Variants in CNKSR2 observed in about 807,000 individuals in gnomAD.
CNKSR2 encodes the protein CNK homolog protein 2.
CNKSR2 carries 14 observed loss-of-function variants against 84.4 expected under a neutral mutation model. That is an observed-to-expected ratio of 0.17 (90% CI 0.11 to 0.26). The LOEUF (loss-of-function observed/expected upper bound fraction) is 0.26. Ranked by LOEUF, CNKSR2 falls within the 10% of genes least tolerant of loss-of-function variation. The probability of loss-of-function intolerance (pLI) is 1.00; values close to 1 mark genes in which losing one functional copy is unlikely to be tolerated. For synonymous variants in CNKSR2, 275 were observed against 277.9 expected (o/e 0.99, Z 0.10); for missense variants, 485 against 771.2 (o/e 0.63, Z 4.40).
intron 8 of CNKSR2, chrX:21,505,102 G>T: frequency 5.1e-6 from 1 of 196,806 alleles, no homozygotes; most frequent in East Asian, 8.4e-5. Flanking sequence ...AATTATTGGG[G>T]CATATTTATA....
intron 5 of CNKSR2, among the ~76,000 whole-genome samples, chrX:21,484,231 C>T (rs989253014): frequency 1.3e-4 from 15 of 111,643 alleles, no homozygotes; most frequent in African/African-American, 3.9e-4. Context: ...TCAGAGGCTG[C>T]AGTGAGCTGA....
rs368267175 is a variant in CNKSR2, at chrX:21,391,846, A to G, written c.64+16885A>G. On this transcript the variant is annotated intron_variant, in intron 1 of 21. Transcript: ENST00000379510. Reference sequence around the variant, plus strand: ...TGCTTCCCTTTTAAATATAAGTTCCAGTTTCATACCATCTCTTTGGTCATG... The same window carrying G: ...TGCTTCCCTTTTAAATATAAGTTCCGGTTTCATACCATCTCTTTGGTCATG... Among the ~76,000 whole-genome samples the G allele has an allele frequency of 6.2e-5, 7 of 112,017 alleles. No individual in the cohort carries two copies. In the East Asian group the frequency reaches 1.7e-3, roughly 27 times the overall value.
intron 18 of CNKSR2, among the ~76,000 whole-genome samples, chrX:21,605,164 G>A (rs1242701865): frequency 9.0e-6 from 1 of 111,641 alleles, no homozygotes; most frequent in African/African-American, 3.3e-5. Context: ...AAGATGGGAA[G>A]TGGTCTAGCT....
intron 5 of CNKSR2, among the ~76,000 whole-genome samples, chrX:21,482,992 A>G (rs2091338075): frequency 8.9e-6 from 1 of 112,143 alleles, no homozygotes; most frequent in Non-Finnish European, 1.9e-5. Flanking sequence ...CTGTATATAA[A>G]TATAATTTTA....
intron 11 of CNKSR2, among the ~76,000 whole-genome samples, chrX:21,532,949 G>A (rs1388604162): frequency 1.8e-5 from 2 of 110,897 alleles, no homozygotes; most frequent in African/African-American, 6.5e-5. Flanking sequence ...CACCTCACTT[G>A]TCTGTCATGG....
chrX:21,535,850 C>T (rs1003198151), intron 11 of CNKSR2, among the ~76,000 whole-genome samples: 7 of 111,015 alleles, frequency 6.3e-5, no homozygotes, highest in African/African-American at 2.3e-4. Flanking sequence ...AATTTGAATG[C>T]CCTTTATTTC....
intron 1 of CNKSR2, among the ~76,000 whole-genome samples, chrX:21,413,975 C>G (rs184470078): frequency 7.1e-4 from 79 of 110,545 alleles, no homozygotes; most frequent in African/African-American, 2.5e-3. Flanking sequence ...AAAAAAAAAT[C>G]CTAAAATGCA....
chrX:21,463,815 T>C (rs983123119), intron 4 of CNKSR2, among the ~76,000 whole-genome samples: 3 of 111,073 alleles, frequency 2.7e-5, no homozygotes, highest in Admixed American at 9.6e-5. Context: ...GCTGAGCTGG[T>C]ATCCCAAGAC....
At chrX:21,436,635 G>A (rs2147076187) in intron 3 of CNKSR2, among the ~76,000 whole-genome samples, 1 of 111,242 alleles carries the variant, frequency 9.0e-6, no homozygotes, top group Non-Finnish European at 1.9e-5. Context: ...GAGTTATTGT[G>A]TTCTTCTTGT....
intron 13 of CNKSR2, among the ~76,000 whole-genome samples, chrX:21,586,348 A>G (rs1222953958): frequency 1.8e-5 from 2 of 111,960 alleles, no homozygotes; most frequent in East Asian, 5.6e-4. Flanking sequence ...CTAGGTGTCT[A>G]CAAGTAACAA....
rs141508417 is a variant in CNKSR2, at chrX:21,584,933, C to G, written c.1609-5639C>G. Among the ~76,000 whole-genome samples, 786 of 110,763 alleles carry G rather than the reference C, an allele frequency of 7.1e-3. 2 individuals are homozygous for G. The highest frequency in any genetic ancestry group is 0.012 in the Non-Finnish European group (616 of 52,934). On this transcript the variant is annotated intron_variant, in intron 13 of 21. Transcript: ENST00000379510. ...TAAATCATATTTTAACCAGATCACT[C>G]TGGCTCTTGTGCTAAAAATTAGAGG...
rs762022575 is a variant in CNKSR2 at position 21,396,368 on chromosome X, T to A, written c.64+21407T>A. On this transcript the variant is annotated intron_variant, in intron 1 of 21. Coordinates refer to ENST00000379510, the MANE Select transcript of CNKSR2 (RefSeq NM_014927.5). ...TCATATTTAAATCATACTTTTAAAATCAAAAGTCTGTGTAATATGATAGTT... is the reference window on the plus strand; with the variant it reads ...TCATATTTAAATCATACTTTTAAAAACAAAAGTCTGTGTAATATGATAGTT... Among the ~76,000 whole-genome samples the A allele has an allele frequency of 1.1e-4, 12 of 111,287 alleles. No individual in the cohort carries two copies. The East Asian group carries it at 3.4e-3, about 31-fold the overall frequency.
At chrX:21,543,411 A>G (rs1449986137) in intron 11 of CNKSR2, among the ~76,000 whole-genome samples, 1 of 112,702 alleles carries the variant, frequency 8.9e-6, no homozygotes, top group Non-Finnish European at 1.9e-5. Flanking sequence ...AAGTTCATAA[A>G]GACTACATGT....
intron 11 of CNKSR2, among the ~76,000 whole-genome samples, chrX:21,534,482 C>T (rs947811369): frequency 9.1e-6 from 1 of 109,875 alleles, no homozygotes; most frequent in Admixed American, 9.7e-5. Flanking sequence ...GTATGGTAGT[C>T]CTGTTTTTAG....
intron 20 of CNKSR2, among the ~76,000 whole-genome samples, chrX:21,634,152 T>C (rs1487709954): frequency 8.9e-6 from 1 of 112,325 alleles, no homozygotes; most frequent in East Asian, 2.8e-4. Flanking sequence ...GGCAGATGAC[T>C]TAACAATGGG....
intron 13 of CNKSR2, among the ~76,000 whole-genome samples, chrX:21,563,952 G>A (rs978458040): frequency 2.3e-4 from 25 of 110,978 alleles, no homozygotes; most frequent in Admixed American, 3.9e-4. Context: ...GGTGCAGAAA[G>A]TATAAGAGGA....
intron 21 of CNKSR2, among the ~76,000 whole-genome samples, chrX:21,649,344 A>G (rs1338987677): frequency 8.9e-6 from 1 of 112,252 alleles, no homozygotes; most frequent in African/African-American, 3.2e-5. Context: ...ATTTTCTAAG[A>G]TAAAAATACC....
At chrX:21,534,038 C>T (rs2091907067) in intron 11 of CNKSR2, among the ~76,000 whole-genome samples, 1 of 110,213 alleles carries the variant, frequency 9.1e-6, no homozygotes, top group Non-Finnish European at 1.9e-5. Context: ...TAACTTCTCT[C>T]ATGTAGCTGT....
chrX:21,545,807 C>T (rs2092020209), intron 11 of CNKSR2, among the ~76,000 whole-genome samples: 1 of 112,061 alleles, frequency 8.9e-6, no homozygotes, highest in Admixed American at 9.4e-5. Context: ...CTCCAGCAAA[C>T]TCCAGCAGAC....
Sources: allele counts gnomAD v4.1 joint callset (sites outside exome capture counted in the v4.1 genomes callset), GRCh38; gene constraint gnomAD v4.1.1; transcripts MANE v1.5; gene names NCBI Gene and HGNC (gene_info 2026-07-23, HGNC 2026-07-21).